Variants in HNF4G observed in about 807,000 individuals in gnomAD.
The protein encoded by HNF4G is hepatocyte nuclear factor 4 gamma.
HNF4G carries 21 observed loss-of-function variants against 50.9 expected under a neutral mutation model. The ratio of observed to expected loss-of-function variants is 0.41; its 90% confidence interval spans 0.29 to 0.59. The LOEUF (loss-of-function observed/expected upper bound fraction) is 0.59, where lower values mean the gene tolerates loss of function less well. HNF4G is among the 20% of genes least tolerant of loss of function. HNF4G has a pLI of 0.26. For missense variants in HNF4G, 527 were observed against 559.4 expected, an observed-to-expected ratio of 0.94 and a Z score of 0.58; for synonymous variants, 198 against 185.6, an observed-to-expected ratio of 1.07 and a Z score of -0.54.
At chr8:75,424,037 G>A (rs1810837637) in intron 1 of HNF4G, among the ~76,000 whole-genome samples, 1 of 151,100 alleles carries the variant, frequency 6.6e-6, no homozygotes, top group African/African-American at 2.4e-5. Context: ...TGGCCAGGAT[G>A]GTCTTGATCT....
intron 2 of HNF4G, among the ~76,000 whole-genome samples, chr8:75,499,000 T>C (rs188763878): frequency 2.0e-5 from 3 of 152,162 alleles, no homozygotes; most frequent in African/African-American, 7.2e-5. Context: ...GCTACTTCTA[T>C]TTAGCATTTT....
intron 1 of HNF4G, among the ~76,000 whole-genome samples, chr8:75,422,393 G>A (rs1810795201): frequency 6.6e-6 from 1 of 152,174 alleles, no homozygotes; most frequent in Non-Finnish European, 1.5e-5. Context: ...TGCTTGTTCA[G>A]CTACTGTTTC....
intron 2 of HNF4G, among the ~76,000 whole-genome samples, chr8:75,502,752 A>G (rs533023025): frequency 6.6e-6 from 1 of 152,314 alleles, no homozygotes; most frequent in African/African-American, 2.4e-5. Context: ...GACCTAAAAA[A>G]TTTGACCTAT....
At chr8:75,471,973 T>A (rs1421902823) in intron 1 of HNF4G, among the ~76,000 whole-genome samples, 2 of 152,228 alleles carry the variant, frequency 1.3e-5, no homozygotes, top group Non-Finnish European at 2.9e-5. Flanking sequence ...TTTCTGAGCT[T>A]CATTTTTCTA....
chr8:75,468,751 T>A (rs1391687402), intron 1 of HNF4G, among the ~76,000 whole-genome samples: 1 of 152,136 alleles, frequency 6.6e-6, no homozygotes, highest in Non-Finnish European at 1.5e-5. Context: ...ATGGTCAATG[T>A]TTTTCCCTTT....
At chr8:75,538,885 T>C (rs1806537903), upstream of HNF4G, among the ~76,000 whole-genome samples, 1 of 152,192 alleles carries the variant, frequency 6.6e-6, no homozygotes, top group African/African-American at 2.4e-5. Context: ...AGAGTATTCA[T>C]AAGGTTTGTG....
At chr8:75,554,958 A>G (rs536688277) in intron 5 of HNF4G, among the ~76,000 whole-genome samples, 2 of 152,180 alleles carry the variant, frequency 1.3e-5, no homozygotes, top group African/African-American at 4.8e-5. Flanking sequence ...AGCATGTCCA[A>G]GGTTCTGAGT....
At chr8:75,502,465 A>C (rs185563724) in intron 2 of HNF4G, among the ~76,000 whole-genome samples, 2 of 152,330 alleles carry the variant, frequency 1.3e-5, no homozygotes, top group Middle Eastern at 3.4e-3. Context: ...AGATTTTATC[A>C]AGTGACAAGA....
Position 75,564,295 on chromosome 8 carries a change from T to C in HNF4G, c.*199T>C. 1 of 527,352 alleles carries C rather than the reference T, an allele frequency of 1.9e-6. No homozygotes were observed. 32.7% of individuals were successfully genotyped at this position (527,352 alleles called of 1,614,324 possible). On this transcript the variant is annotated 3_prime_UTR_variant, in exon 10 of 10. Transcript: ENST00000396423. ...GTAAAACTTTCACATGCAACCAATG[T>C]ATATCTGAGTTTGAAGATGTTTATA...
At chr8:75,458,963 G>T (rs912198604) in intron 1 of HNF4G, among the ~76,000 whole-genome samples, 1 of 151,920 alleles carries the variant, frequency 6.6e-6, no homozygotes, top group Non-Finnish European at 1.5e-5. Context: ...TTTATCTCAG[G>T]CAATAAAGAT....
chr8:75,431,698 G>A (rs1811019818), intron 1 of HNF4G, among the ~76,000 whole-genome samples: 2 of 151,792 alleles, frequency 1.3e-5, no homozygotes. Flanking sequence ...GAGGCTGAGG[G>A]GGGTGGATCA....
At chr8:75,548,895 A>G (rs1243113399) in intron 3 of HNF4G, among the ~76,000 whole-genome samples, 1 of 152,238 alleles carries the variant, frequency 6.6e-6, no homozygotes, top group Non-Finnish European at 1.5e-5. Flanking sequence ...GAAGACAACA[A>G]AAAATAAAGT....
At chr8:75,512,760 G>T (rs566594323) in intron 2 of HNF4G, among the ~76,000 whole-genome samples, 1 of 151,950 alleles carries the variant, frequency 6.6e-6, no homozygotes, top group African/African-American at 2.4e-5. Context: ...CACCGCGCCC[G>T]GTCAACATCT....
intron 1 of HNF4G, among the ~76,000 whole-genome samples, chr8:75,428,467 T>C (rs923568197): frequency 1.3e-5 from 2 of 152,186 alleles, no homozygotes; most frequent in African/African-American, 4.8e-5. Flanking sequence ...ATTAATTCAA[T>C]AACTGCAATT....
At position 75,521,879 on chromosome 8, in the gene HNF4G, C is replaced by A. The variant is rs541008525; in HGVS notation, c.-23-21932C>A. Among the ~76,000 whole-genome samples the A allele has an allele frequency of 3.5e-3, 529 of 152,280 alleles. 6 individuals are homozygous for A. Among genetic ancestry groups the A allele is most frequent in the African/African-American group, 0.012 (507 of 41,558 alleles). On this transcript the variant is annotated intron_variant, in intron 2 of 10. Coordinates refer to the HNF4G transcript ENST00000354370. ...CTTTTGTATGTCTCCATTCCCCCCA[C>A]ACACAGTCCTTGCCTTACAATGGCC...
intron 1 of HNF4G, among the ~76,000 whole-genome samples, chr8:75,423,159 T>G (rs912452660): frequency 6.6e-6 from 1 of 152,124 alleles, no homozygotes; most frequent in African/African-American, 2.4e-5. Flanking sequence ...ATTTTTGGCC[T>G]GGAATTTTGT....
At chr8:75,520,308 T>C (rs1806005751) in intron 2 of HNF4G, among the ~76,000 whole-genome samples, 1 of 152,162 alleles carries the variant, frequency 6.6e-6, no homozygotes, top group Non-Finnish European at 1.5e-5. Context: ...AACTTTTTCT[T>C]TCACTATTCT....
chr8:75,528,424 G>T (rs1806238869), intron 2 of HNF4G, among the ~76,000 whole-genome samples: 1 of 152,100 alleles, frequency 6.6e-6, no homozygotes, highest in Non-Finnish European at 1.5e-5. Context: ...TAAAGGATTT[G>T]AACAATTGAT....
Position 75,544,122 on chromosome 8 carries a change from T to C in HNF4G, c.287+143T>C. On this transcript the variant is annotated intron_variant, in intron 2 of 9. Transcript: ENST00000396423. ...CTAAACTGCGGTACAAGTAAGAACG[T>C]GTGGGTATGTACACAGGATGTATTC... 4.6e-6 allele frequency: 3 copies of C among 654,578 alleles called. No individual in the cohort carries two copies. The South Asian group carries it at 6.8e-5, about 15-fold the overall frequency. The allele number at this position is 654,578 out of a possible 1,614,324, so 40.5% of individuals were successfully genotyped here. A position where few individuals can be genotyped will look rare whatever the true frequency, so the allele number is the denominator to read the frequency against.
Sources: allele counts gnomAD v4.1 joint callset (sites outside exome capture counted in the v4.1 genomes callset), GRCh38; gene constraint gnomAD v4.1.1; transcripts MANE v1.5; gene names NCBI Gene and HGNC (gene_info 2026-07-23, HGNC 2026-07-21).